Variants in PAX5 observed in about 807,000 individuals in gnomAD.
PAX5 encodes the protein paired box protein Pax-5.
Under a neutral mutation model 43.7 loss-of-function variants are expected in PAX5, and 9 were observed. The ratio of observed to expected loss-of-function variants is 0.21; its 90% CI spans 0.12 to 0.36. PAX5 has a LOEUF of 0.36. Ranked by LOEUF, PAX5 falls within the 10% of genes least tolerant of loss-of-function variation. The probability of loss-of-function intolerance (pLI) is 1.00; values close to 1 mark genes in which losing one functional copy is unlikely to be tolerated. For synonymous variants in PAX5, 228 were observed against 214.3 expected (o/e 1.06, Z -0.56); for missense variants, 383 against 532.7 (o/e 0.72, Z 2.77).
chr9:36,853,977 G>A (rs770405088), intron 8 of PAX5, among the ~76,000 whole-genome samples: 18 of 152,368 alleles, frequency 1.2e-4, no homozygotes, highest in South Asian at 8.3e-4. Flanking sequence ...GGCCGACCCC[G>A]TCTGCAGATG....
chr9:37,019,504 C>G (rs114722392), intron 2 of PAX5, among the ~76,000 whole-genome samples: 1 of 152,336 alleles, frequency 6.6e-6, no homozygotes, highest in African/African-American at 2.4e-5. Context: ...CTCAAACAAG[C>G]AGCCTCCCCA....
At chr9:36,888,469 A>G (rs1827090765) in intron 7 of PAX5, among the ~76,000 whole-genome samples, 1 of 152,246 alleles carries the variant, frequency 6.6e-6, no homozygotes, top group Non-Finnish European at 1.5e-5. Flanking sequence ...CTACAGTAGC[A>G]ACATTCATAA....
intron 8 of PAX5, among the ~76,000 whole-genome samples, chr9:36,875,546 C>T (rs1363854599): frequency 7.5e-6 from 1 of 133,590 alleles, no homozygotes; most frequent in Non-Finnish European, 1.5e-5. Flanking sequence ...AGAATTGTGG[C>T]CCCCCCCAAA....
At position 36,882,198 on chromosome 9, in the gene PAX5, C is replaced by T. The variant is rs746754701; in HGVS notation, c.911-93G>A. 13 of 1,040,414 alleles carry T rather than the reference C, an allele frequency of 1.2e-5. No individual in the cohort carries two copies. The highest frequency in any genetic ancestry group is 1.6e-5 in the African/African-American group (1 of 62,384). The allele number at this position is 1,040,414 out of a possible 1,614,324, so 64.4% of individuals were successfully genotyped here. Reference sequence around the variant, plus strand: ...CCTGGACGCTTCTGCACATTTGTCACGTTTGGACGCTGAACGGCAATGTGC... The same window carrying T: ...CCTGGACGCTTCTGCACATTTGTCATGTTTGGACGCTGAACGGCAATGTGC... On this transcript the variant is annotated intron_variant, in intron 7 of 9. Transcript: ENST00000358127. The surrounding 1 kb of genome is among the most constrained non-coding windows in gnomAD (Gnocchi z 4.4).
intron 7 of PAX5, among the ~76,000 whole-genome samples, chr9:36,897,656 G>A (rs1260488820): frequency 6.6e-6 from 1 of 152,216 alleles, no homozygotes; most frequent in Middle Eastern, 3.2e-3. Flanking sequence ...CCTGGACCCA[G>A]CATGGATCCT....
chr9:36,918,708 A>T (rs1829906681), intron 7 of PAX5, among the ~76,000 whole-genome samples: 1 of 152,200 alleles, frequency 6.6e-6, no homozygotes, highest in Non-Finnish European at 1.5e-5. Flanking sequence ...CATTCCCTTT[A>T]ACAAAAGCCT....
intron 7 of PAX5, among the ~76,000 whole-genome samples, chr9:36,908,831 A>G (rs935156090): frequency 6.6e-6 from 1 of 152,248 alleles, no homozygotes; most frequent in African/African-American, 2.4e-5. Flanking sequence ...AGGGCTGTCC[A>G]GCTTCATTTA....
intron 7 of PAX5, among the ~76,000 whole-genome samples, chr9:36,896,321 A>G (rs1238908325): frequency 6.6e-6 from 1 of 151,894 alleles, no homozygotes; most frequent in African/African-American, 2.4e-5. Context: ...TGGAACCAAG[A>G]AAGTCCAAAC....
At chr9:36,969,358 C>A (rs1834732447) in intron 5 of PAX5, among the ~76,000 whole-genome samples, 1 of 152,130 alleles carries the variant, frequency 6.6e-6, no homozygotes. Context: ...AGGCTTGATC[C>A]CTCTCCCCCG....
chr9:36,909,986 T>C (rs1166801708), intron 7 of PAX5, among the ~76,000 whole-genome samples: 3 of 152,012 alleles, frequency 2.0e-5, no homozygotes, highest in Non-Finnish European at 4.4e-5. Flanking sequence ...CACATCCAGC[T>C]AATTTTTGTA....
rs138009049 is a variant in PAX5 at position 36,952,234 on chromosome 9, CTTTTTTTTT to C, written c.780+14306_780+14314del. ...TTTTTAATATGCTCTGACCATCTCC[CTTTTTTTTT>C]TTTTTTTTTTTTTTGAGACAGAGTC... On this transcript the variant is annotated intron_variant, in intron 6 of 9. Transcript: ENST00000358127. Among the ~76,000 whole-genome samples the C allele has an allele frequency of 9.7e-4, 65 of 66,672 alleles. 2 individuals are homozygous for C. In the South Asian group the frequency reaches 0.04, roughly 41 times the overall value. The allele number at this position is 66,672 out of a possible 152,430, so 43.7% of individuals were successfully genotyped here.
At chr9:36,846,998 C>T (rs752962514) in intron 8 of PAX5, 69 bp from the exon 9 acceptor site, 2 of 1,115,108 alleles carry the variant, frequency 1.8e-6, no homozygotes, top group Non-Finnish European at 2.7e-6. Flanking sequence ...GGCCCTGGGT[C>T]CCAGCCAGCC....
At chr9:36,889,946 G>C (rs954364908) in intron 7 of PAX5, among the ~76,000 whole-genome samples, 50 of 144,442 alleles carry the variant, frequency 3.5e-4, no homozygotes, top group East Asian at 2.2e-3. Flanking sequence ...ACTAACGGGG[G>C]GGGGGGGAAT....
chr9:36,923,291 C>G, intron 7 of PAX5, 64 bp downstream of exon 7: 1 of 1,553,832 alleles, frequency 6.4e-7, no homozygotes, highest in Non-Finnish European at 8.7e-7. Context: ...GCCACTCTTC[C>G]CACCACACAC....
At chr9:36,944,660 C>G (rs1052516538) in intron 6 of PAX5, among the ~76,000 whole-genome samples, 14 of 152,112 alleles carry the variant, frequency 9.2e-5, no homozygotes, top group Non-Finnish European at 2.1e-4. Flanking sequence ...CCAAAACCCC[C>G]CTAAAGAGCA....
In PAX5 at chr9:37,026,783, A is replaced by G. The variant is rs999014095; in HGVS notation, c.47-5982T>C. The G allele has an allele frequency of 1.9e-5, 18 of 949,428 alleles. No homozygotes were observed. In the African/African-American group the frequency reaches 3.2e-4, roughly 17 times the overall value. The allele number at this position is 949,428 out of a possible 1,614,324, so 58.8% of individuals were successfully genotyped here. A position where few individuals can be genotyped will look rare whatever the true frequency, so the allele number is the denominator to read the frequency against. On this transcript the variant is annotated intron_variant, in intron 1 of 9. Transcript: ENST00000358127. ...GAGAGGCGGGAAATGGTGCTAGCGC[A>G]CCCGGGCTAGGAGCGGGTGCCCAAC... is the stretch of plus-strand genomic sequence containing the variant.
intron 6 of PAX5, among the ~76,000 whole-genome samples, chr9:36,939,038 C>T (rs1831800701): frequency 1.3e-5 from 2 of 152,208 alleles, no homozygotes; most frequent in African/African-American, 2.4e-5. Flanking sequence ...TTTATTGGTG[C>T]AACTCCCTAT....
chr9:36,970,883 CTG>C (rs1834877976), intron 5 of PAX5, among the ~76,000 whole-genome samples: 1 of 152,224 alleles, frequency 6.6e-6, no homozygotes. Flanking sequence ...CACTCCCACA[CTG>C]TGCTATGAGC....
intron 7 of PAX5, among the ~76,000 whole-genome samples, chr9:36,893,896 T>C (rs1373526760): frequency 1.3e-5 from 2 of 152,224 alleles, no homozygotes; most frequent in East Asian, 1.9e-4. Flanking sequence ...TATGCACCTC[T>C]TATCCAAGAA....
Sources: gnomAD v4.1 joint callset for allele counts (sites outside exome capture counted in the v4.1 genomes callset) on GRCh38, gnomAD v4.1.1 for gene constraint, Gnocchi (gnomAD v3.1) non-coding constraint, MANE v1.5 for transcripts, NCBI Gene and HGNC (gene_info 2026-07-23, HGNC 2026-07-21) for gene names.